The following TTYH3 variants were observed in gnomAD, a reference collection of about 807,000 sequenced individuals.
The protein encoded by TTYH3 is tweety family member 3.
A neutral mutation model predicts 68.2 loss-of-function variants in TTYH3; 23 were observed. The observed-to-expected ratio is 0.34, with a 90% confidence interval of 0.24 to 0.48. TTYH3 has a LOEUF of 0.48. Ranked by LOEUF, TTYH3 falls within the 20% of genes least tolerant of loss-of-function variation. The pLI is 0.99. For missense variants in TTYH3, 768 were observed against 727.7 expected, an observed-to-expected ratio of 1.06 and a Z score of -0.64; for synonymous variants, 360 against 332.8, an observed-to-expected ratio of 1.08 and a Z score of -0.89.
chr7:2,646,317 G>A (rs1785979459), intron 1 of TTYH3, among the ~76,000 whole-genome samples: 1 of 152,160 alleles, frequency 6.6e-6, no homozygotes, highest in Non-Finnish European at 1.5e-5. Context: ...GCCCTGCTCA[G>A]CAGCACTTCT....
intron 9 of TTYH3, 121 bp downstream of exon 9, chr7:2,653,131 G>A: frequency 1.2e-6 from 1 of 825,578 alleles, no homozygotes; most frequent in Non-Finnish European, 1.9e-6. Context: ...CTGGCCGAGT[G>A]GGGACCTGGT....
intron 1 of TTYH3, among the ~76,000 whole-genome samples, chr7:2,638,247 T>G (rs1467952749): frequency 6.6e-6 from 1 of 151,162 alleles, no homozygotes; most frequent in Non-Finnish European, 1.5e-5. Context: ...TGCAGACAAG[T>G]GGGAAGAGCA....
chr7:2,647,229 C>T lies in TTYH3; in HGVS notation c.381C>T (p.Arg127=), dbSNP rs199903167. Residue 127 remains arginine, a synonymous_variant, in exon 3 of 14, where the codon CGC becomes CGT. Coordinates refer to ENST00000258796, the MANE Select transcript of TTYH3 (RefSeq NM_025250.3). Reference sequence around the variant, plus strand: ...CCTACTCGCTCCGCCACGCCAACCGCACGGTGGCCGGGGTCCAGGACCGCG... The same window carrying T: ...CCTACTCGCTCCGCCACGCCAACCGTACGGTGGCCGGGGTCCAGGACCGCG... ...RATYSLRHAN[R]TVAGVQDRVW... 1.8e-4 allele frequency: 293 copies of T among 1,597,412 alleles called. No individual in the cohort carries two copies. In the East Asian group the frequency reaches 6.5e-3, roughly 35 times the overall value.
chr7:2,636,187 T>A (rs1367632805), intron 1 of TTYH3, among the ~76,000 whole-genome samples: 2 of 152,224 alleles, frequency 1.3e-5, no homozygotes, highest in African/African-American at 4.8e-5. Flanking sequence ...TGTGCCCAGT[T>A]GCAGCCTGGG....
At chr7:2,652,753 C>T in intron 8 of TTYH3, 165 bp from the exon 9 acceptor site, 2 of 616,296 alleles carry the variant, frequency 3.2e-6, no homozygotes, top group South Asian at 2.0e-5. Flanking sequence ...TGGGTGTGTC[C>T]CGGGGGAAGC....
rs754420194 is a variant in TTYH3 at position 2,656,448 on chromosome 7, C to T, written c.1164C>T (p.Leu388=). The change falls in exon 11 of 14, where the codon CTC becomes CTT. Residue 388 remains leucine (L), a synonymous_variant. Coordinates refer to ENST00000258796, the MANE Select transcript of TTYH3 (RefSeq NM_025250.3). ...TCTGCTATGACGGCGTGGAGGGCCTCATCTACCTGGCCCTCTTCTCCTTCG... is the reference window on the plus strand; with the variant it reads ...TCTGCTATGACGGCGTGGAGGGCCTTATCTACCTGGCCCTCTTCTCCTTCG... ...TGFCYDGVEG[L]IYLALFSFVT... 8.7e-6 allele frequency: 14 copies of T among 1,611,930 alleles called. No homozygotes were observed. In the Admixed American group the frequency reaches 1.3e-4, roughly 15 times the overall value.
At position 2,656,107 on chromosome 7, in the gene TTYH3, G is replaced by T. The variant is rs186759263; in HGVS notation, c.1036G>T (p.Val346Phe). The T allele has an allele frequency of 1.2e-5, 19 of 1,557,050 alleles. No individual in the cohort carries two copies. In the East Asian group the frequency reaches 4.6e-4, roughly 37 times the overall value. ...QPATKDPLLR[V>F]QEVLNGTEVN... ...TGCCCCCCAGGACCCCCTCCTCCGC[G>T]TCCAGGAGGTGCTGAATGGCACGGA... The change falls in exon 10 of 14, where the codon GTC becomes TTC. Residue 346 changes from valine to phenylalanine, a missense_variant. Val to Phe is a conservative substitution (Grantham distance 50). Coordinates refer to ENST00000258796, the MANE Select transcript of TTYH3 (RefSeq NM_025250.3).
rs113434784 is a variant in TTYH3, at chr7:2,641,365, G to A, written c.124-5488G>A. On this transcript the variant is annotated intron_variant, in intron 1 of 13. Transcript: ENST00000258796. ...GGAGGGGGCATCCCCCATGGATGCCGTCTGTGGCTGTGGGGCTGCAGGGGC... is the reference window on the plus strand; with the variant it reads ...GGAGGGGGCATCCCCCATGGATGCCATCTGTGGCTGTGGGGCTGCAGGGGC... Among the ~76,000 whole-genome samples the A allele has an allele frequency of 6.0e-3, 904 of 151,814 alleles. 3 individuals carry two copies. The highest frequency in any genetic ancestry group is 8.6e-3 in the Non-Finnish European group (584 of 67,890).
At chr7:2,632,456 G>C (rs559045301) in intron 1 of TTYH3, among the ~76,000 whole-genome samples, 178 bp downstream of exon 1, 2 of 151,734 alleles carry the variant, frequency 1.3e-5, no homozygotes, top group African/African-American at 4.8e-5. Flanking sequence ...TCCCTTCTGA[G>C]TCCTAGGACC....
chr7:2,658,216 AC>A, intron 11 of TTYH3, 69 bp from the exon 12 acceptor site: 1 of 1,411,092 alleles, frequency 7.1e-7, no homozygotes. Flanking sequence ...ACCAGAACTG[AC>A]CCCCATGGGT....
chr7:2,641,783 G>GGC (rs1179097800), intron 1 of TTYH3, among the ~76,000 whole-genome samples: 1 of 152,254 alleles, frequency 6.6e-6, no homozygotes, highest in East Asian at 1.9e-4. Context: ...TGGGTGCAGA[G>GGC]GCCAGGCTGG....
intron 7 of TTYH3, 61 bp downstream of exon 7, chr7:2,650,049 A>G (rs1786124370): frequency 6.3e-7 from 1 of 1,585,674 alleles, no homozygotes; most frequent in South Asian, 1.1e-5. Context: ...GAGCCAAAAG[A>G]GTGGGGTAGC....
At position 2,645,170 on chromosome 7, in the gene TTYH3, A is replaced by T. The variant is rs1229989929; in HGVS notation, c.124-1683A>T. On this transcript the variant is annotated intron_variant, in intron 1 of 13. Coordinates refer to ENST00000258796, the MANE Select transcript of TTYH3 (RefSeq NM_025250.3). The surrounding 1 kb of genome is among the most constrained non-coding windows in gnomAD (Gnocchi z 4.8). ...CCTCTAGGTGGTCCCTGGCCCCATGATGAGGCGCAGCCCTGTATCAGCTCC... is the reference window on the plus strand; with the variant it reads ...CCTCTAGGTGGTCCCTGGCCCCATGTTGAGGCGCAGCCCTGTATCAGCTCC... Among the ~76,000 whole-genome samples the T allele has an allele frequency of 2.0e-5, 3 of 152,154 alleles. No homozygotes were observed. Among genetic ancestry groups the T allele is most frequent in the Non-Finnish European group, 4.4e-5 (3 of 68,018 alleles).
chr7:2,660,699 C>G, intron 13 of TTYH3: 1 of 374,508 alleles, frequency 2.7e-6, no homozygotes, highest in South Asian at 1.1e-4. Flanking sequence ...CAGGAGGGCC[C>G]TCGGGGACCC....
intron 1 of TTYH3, among the ~76,000 whole-genome samples, chr7:2,635,986 G>A (rs777876415): frequency 1.3e-5 from 2 of 152,234 alleles, no homozygotes; most frequent in Non-Finnish European, 2.9e-5. Flanking sequence ...GTCTGACTGC[G>A]CACGGGGAAT....
At chr7:2,654,847 C>CA (rs1368451210) in intron 9 of TTYH3, among the ~76,000 whole-genome samples, 1 of 149,852 alleles carries the variant, frequency 6.7e-6, no homozygotes, top group Non-Finnish European at 1.5e-5. Context: ...TGCAGTGGCG[C>CA]AATCTCGGCT....
chr7:2,642,083 C>T lies in TTYH3; in HGVS notation c.124-4770C>T, dbSNP rs2114978966. ...AGCGAGGCTCCGTTTGCAGCTGGCCCCATCCAGGCAAGAACAAGAGAAAGC... is the reference window on the plus strand; with the variant it reads ...AGCGAGGCTCCGTTTGCAGCTGGCCTCATCCAGGCAAGAACAAGAGAAAGC... On this transcript the variant is annotated intron_variant, in intron 1 of 13. Transcript: ENST00000258796. 1.3e-5 allele frequency among the ~76,000 whole-genome samples: 2 copies of T among 152,340 alleles called. 1 individual carries two copies. Among genetic ancestry groups the T allele is most frequent in the Middle Eastern group, 6.8e-3 (2 of 294 alleles).
At chr7:2,656,244 G>A in intron 10 of TTYH3, 60 bp downstream of exon 10, 1 of 1,547,786 alleles carries the variant, frequency 6.5e-7, no homozygotes, top group Non-Finnish European at 8.8e-7. Flanking sequence ...CAGGGGAGCA[G>A]CTGTTCGGGA....
chr7:2,661,594 C>T, intron 13 of TTYH3, 74 bp from the exon 14 acceptor site: 1 of 1,458,298 alleles, frequency 6.9e-7, no homozygotes, highest in Non-Finnish European at 9.5e-7. Flanking sequence ...CAAGTGAGGA[C>T]CACGCGGAAG....
Sources: gnomAD v4.1 joint callset for allele counts (sites outside exome capture counted in the v4.1 genomes callset) on GRCh38, gnomAD v4.1.1 for gene constraint, Gnocchi (gnomAD v3.1) non-coding constraint, MANE v1.5 for transcripts, NCBI Gene and HGNC (gene_info 2026-07-23, HGNC 2026-07-21) for gene names.